The following TSNARE1 variants were observed in gnomAD, a reference collection of about 807,000 sequenced individuals.
The protein encoded by TSNARE1 is t-SNARE domain-containing protein 1.
In TSNARE1, 49 loss-of-function variants were observed where a neutral mutation model predicts 62.0. The ratio of observed to expected loss-of-function variants is 0.79; its 90% CI spans 0.63 to 1.00. The LOEUF is 1.00. Among genes scored for constraint, TSNARE1 ranks in the 50% least tolerant of loss-of-function variants. The probability of loss-of-function intolerance (pLI) is 0.00; values close to 1 mark genes in which losing one functional copy is unlikely to be tolerated. For missense variants in TSNARE1, 755 were observed against 700.1 expected, an observed-to-expected ratio of 1.08 and a Z score of -0.88; for synonymous variants, 328 against 294.4, an observed-to-expected ratio of 1.11 and a Z score of -1.17.
At chr8:142,308,554 G>T (rs532777934) in intron 9 of TSNARE1, among the ~76,000 whole-genome samples, 1 of 152,270 alleles carries the variant, frequency 6.6e-6, no homozygotes, top group East Asian at 1.9e-4. Context: ...TGTCCCATGC[G>T]TTGGTGTGTC....
upstream of TSNARE1, chr8:142,405,350 G>C (rs1487369533): frequency 6.6e-6 from 1 of 152,208 alleles, no homozygotes; most frequent in Admixed American, 6.5e-5. Context: ...GGACTCCCTG[G>C]GAAGAACTCT....
At chr8:142,377,092 C>T (rs999217138) in intron 1 of TSNARE1, among the ~76,000 whole-genome samples, 4 of 152,226 alleles carry the variant, frequency 2.6e-5, no homozygotes, top group Non-Finnish European at 5.9e-5. Flanking sequence ...ACCCTCAGAG[C>T]CCATCCCTCC....
chr8:142,392,976 T>C (rs1179423645), intron 1 of TSNARE1, among the ~76,000 whole-genome samples: 5 of 150,146 alleles, frequency 3.3e-5, no homozygotes, highest in African/African-American at 1.2e-4. Context: ...AGAAAGAAAC[T>C]CACAAGAGTG....
chr8:142,387,194 G>A (rs1837169941), intron 1 of TSNARE1, among the ~76,000 whole-genome samples: 1 of 152,072 alleles, frequency 6.6e-6, no homozygotes. Flanking sequence ...TTTAAAACTT[G>A]CTCCTGAAAA....
intron 2 of TSNARE1, among the ~76,000 whole-genome samples, chr8:142,349,728 G>A (rs1180683880): frequency 6.6e-6 from 1 of 152,230 alleles, no homozygotes; most frequent in African/African-American, 2.4e-5. Flanking sequence ...CTGGCCCTCA[G>A]CGGCCCTGCC....
At chr8:142,331,906 T>C (rs1319271913) in intron 4 of TSNARE1, 75 bp from the exon 5 acceptor site, 3 of 1,433,404 alleles carry the variant, frequency 2.1e-6, no homozygotes, top group Non-Finnish European at 2.9e-6. Context: ...CTAACCGCTC[T>C]GGGCAGCCCC....
At chr8:142,230,471 T>C (rs1817049037) in intron 12 of TSNARE1, among the ~76,000 whole-genome samples, 1 of 152,070 alleles carries the variant, frequency 6.6e-6, no homozygotes, top group Non-Finnish European at 1.5e-5. Context: ...CAGTGTGTTG[T>C]TGGAGAGAGC....
chr8:142,278,562 G>A (rs755216518), intron 11 of TSNARE1: 12 of 985,358 alleles, frequency 1.2e-5, no homozygotes, highest in Non-Finnish European at 1.4e-5. Flanking sequence ...TTGAGGAGGA[G>A]AGGAGGTGCG....
Position 142,291,275 on chromosome 8 carries a change from G to C in TSNARE1, c.1291-6790C>G, listed in dbSNP as rs1586591823. ...ATCGCGGTGAGGATGGCCTTGTGCTGGAGTAGGGCACCTGGGCTCGAATCC... is the reference window on the plus strand; with the variant it reads ...ATCGCGGTGAGGATGGCCTTGTGCTCGAGTAGGGCACCTGGGCTCGAATCC... On this transcript the variant is annotated intron_variant, in intron 10 of 13. Transcript: ENST00000524325. This position sits in a 1 kb window ranked among gnomAD's most constrained non-coding sequence, Gnocchi z 4.8. Among the ~76,000 whole-genome samples, 1 of 151,898 alleles carries C rather than the reference G, an allele frequency of 6.6e-6. No homozygotes were observed. The highest frequency in any genetic ancestry group is 6.6e-5 in the Admixed American group (1 of 15,250).
intron 12 of TSNARE1, among the ~76,000 whole-genome samples, chr8:142,243,800 C>T (rs1240386960): frequency 6.6e-6 from 1 of 152,170 alleles, no homozygotes; most frequent in Non-Finnish European, 1.5e-5. Flanking sequence ...TATGTGAATT[C>T]GCTTGATTTA....
chr8:142,293,563 T>C (rs962217457), intron 10 of TSNARE1, among the ~76,000 whole-genome samples: 1 of 152,206 alleles, frequency 6.6e-6, no homozygotes, highest in Admixed American at 6.5e-5. Flanking sequence ...GGTATGGCTG[T>C]GCCTGAGCCT....
chr8:142,361,718 CT>C (rs996176594), intron 1 of TSNARE1, among the ~76,000 whole-genome samples: 1 of 152,186 alleles, frequency 6.6e-6, no homozygotes, highest in Non-Finnish European at 1.5e-5. Context: ...CACATGCTAC[CT>C]TCACACTCCC....
At chr8:142,402,449 T>C (rs1465660982) in intron 1 of TSNARE1, among the ~76,000 whole-genome samples, 1 of 152,172 alleles carries the variant, frequency 6.6e-6, no homozygotes, top group Non-Finnish European at 1.5e-5. Context: ...ATGGCAGAGC[T>C]TCCAGAGCAG....
At position 142,331,762 on chromosome 8, in the gene TSNARE1, T is replaced by G. The variant is rs760748907; in HGVS notation, c.815A>C (p.Asn272Thr). 12 of 1,598,186 alleles carry G rather than the reference T, an allele frequency of 7.5e-6. No homozygotes were observed. The South Asian group carries it at 1.0e-4, about 14-fold the overall frequency. The change falls in exon 5 of 14, where the codon AAC (asparagine) becomes ACC (threonine). Residue 272 changes from asparagine to threonine, a missense_variant. Asn to Thr is a moderately conservative substitution (Grantham distance 65, BLOSUM62 0). Transcript: ENST00000524325. ...GCCAGACGCACACTCACCACTGGAG[T>G]TGATTCGGAAGACGTTGGCCGACAT... ...QEMSANVFRI[N>T]SSVTSLERSL...
At chr8:142,326,270 C>G in intron 6 of TSNARE1, 1 of 158,220 alleles carries the variant, frequency 6.3e-6, no homozygotes, top group Admixed American at 7.0e-5. Flanking sequence ...GGGGAGGGCC[C>G]CGGAGACCAC....
Position 142,390,582 on chromosome 8 carries a change from A to C in TSNARE1, c.-40+12522T>G, listed in dbSNP as rs74979026. ...GACGCTGTACACTGCAGGGGACTCT[A>C]TAGCAGACGCTGTACACTGCTGGGG... On this transcript the variant is annotated intron_variant, in intron 1 of 13. Coordinates refer to ENST00000524325, the MANE Select transcript of TSNARE1 (RefSeq NM_145003.5). 6.0e-4 allele frequency among the ~76,000 whole-genome samples: 33 copies of C among 54,820 alleles called. 5 individuals are homozygous for C. In the East Asian group the frequency reaches 0.026, roughly 43 times the overall value. The allele number at this position is 54,820 out of a possible 152,430, so 36.0% of individuals were successfully genotyped here.
rs570250325 is a variant in TSNARE1 at position 142,353,643 on chromosome 8, G to A, written c.88+994C>T. Among the ~76,000 whole-genome samples, 8 of 152,306 alleles carry A rather than the reference G, an allele frequency of 5.3e-5. No individual in the cohort carries two copies. In the South Asian group the frequency reaches 6.2e-4, roughly 12 times the overall value. On this transcript the variant is annotated intron_variant, in intron 2 of 13. Coordinates refer to ENST00000524325, the MANE Select transcript of TSNARE1 (RefSeq NM_145003.5). ...GGCTGGGGGTGGGAAACAAATCCAGGGCACTGGGGGCTGCCAAGGAGCCAG... is the reference window on the plus strand; with the variant it reads ...GGCTGGGGGTGGGAAACAAATCCAGAGCACTGGGGGCTGCCAAGGAGCCAG...
chr8:142,222,691 C>T (rs1351114728), intron 13 of TSNARE1, among the ~76,000 whole-genome samples: 6 of 111,422 alleles, frequency 5.4e-5, no homozygotes, highest in Non-Finnish European at 1.1e-4. Context: ...CATCCACTCA[C>T]TCACTCATCC....
At chr8:142,223,027 C>CTCATTCACTCATTCAT (rs1465134331) in intron 13 of TSNARE1, among the ~76,000 whole-genome samples, 1 of 48,018 alleles carries the variant, frequency 2.1e-5, no homozygotes, top group Non-Finnish European at 4.0e-5. Flanking sequence ...CACTCAGCCA[C>CTCATTCACTCATTCAT]TCACTCATTC....
Sources: gnomAD v4.1 joint callset for allele counts (sites outside exome capture counted in the v4.1 genomes callset) on GRCh38, gnomAD v4.1.1 for gene constraint, Gnocchi (gnomAD v3.1) non-coding constraint, MANE v1.5 for transcripts, NCBI Gene and HGNC (gene_info 2026-07-23, HGNC 2026-07-21) for gene names.